STK3: variants seen among roughly 807,000 people sequenced by gnomAD.
STK3 encodes serine/threonine kinase 3.
STK3 carries 41 observed loss-of-function variants against 58.0 expected under a neutral mutation model. The observed-to-expected ratio is 0.71, with a 90% CI of 0.55 to 0.92. The LOEUF (loss-of-function observed/expected upper bound fraction) is 0.92, where lower values mean the gene tolerates loss of function less well. Among genes scored for constraint, STK3 ranks in the 40% least tolerant of loss-of-function variants. STK3 has a pLI of 0.00. For missense variants in STK3, 479 were observed against 602.7 expected, an observed-to-expected ratio of 0.79 and a Z score of 2.15; for synonymous variants, 170 against 191.0, an observed-to-expected ratio of 0.89 and a Z score of 0.91.
intron 10 of STK3, among the ~76,000 whole-genome samples, chr8:98,467,986 A>C (rs2131206984): frequency 6.6e-6 from 1 of 152,356 alleles, no homozygotes; most frequent in African/African-American, 2.4e-5. Context: ...AAGTAGTTTT[A>C]AAATGAAAGA....
chr8:98,635,909 GT>G (rs1433936426), intron 6 of STK3, among the ~76,000 whole-genome samples: 1 of 151,924 alleles, frequency 6.6e-6, no homozygotes, highest in African/African-American at 2.4e-5. Context: ...ACGAAATAAA[GT>G]ACAACTTCTT....
intron 1 of STK3, among the ~76,000 whole-genome samples, chr8:98,789,580 C>T (rs1163133952): frequency 2.0e-5 from 3 of 152,118 alleles, no homozygotes; most frequent in Admixed American, 6.6e-5. Flanking sequence ...GATATTACAA[C>T]TGATACCAAG....
In STK3 at chr8:98,912,392, C is replaced by T. The variant is rs535081941; in HGVS notation, c.-78-28558G>A. On this transcript the variant is annotated intron_variant, in intron 1 of 1. Transcript: ENST00000519420. The stretch of plus-strand genomic sequence containing the variant: ...GACTGCATCTCAACAACAACAACAA[C>T]AACAATAACAAACGAAAAAAAAAAA... Among the ~76,000 whole-genome samples, 6 of 147,724 alleles carry T rather than the reference C, an allele frequency of 4.1e-5. No individual in the cohort carries two copies. The South Asian group carries it at 1.3e-3, about 31-fold the overall frequency.
At chr8:98,395,973 AT>A (rs907548540) in intron 3 of STK3, among the ~76,000 whole-genome samples, 2 of 152,156 alleles carry the variant, frequency 1.3e-5, no homozygotes, top group Non-Finnish European at 2.9e-5. Flanking sequence ...ACACCACTGA[AT>A]TTTTTTGTAC....
At chr8:98,769,045 G>T (rs1247256696) in intron 2 of STK3, among the ~76,000 whole-genome samples, 44 of 152,144 alleles carry the variant, frequency 2.9e-4, no homozygotes. Context: ...CAGTTTTCAT[G>T]AACTTTGCAT....
chr8:98,833,008 C>A (rs1208149722), intron 3 of STK3, among the ~76,000 whole-genome samples: 1 of 152,208 alleles, frequency 6.6e-6, no homozygotes, highest in Non-Finnish European at 1.5e-5. Flanking sequence ...AAATGCCAAA[C>A]TGTGTAAAAT....
At chr8:98,398,432 A>G (rs770563355), downstream of STK3, among the ~76,000 whole-genome samples, 29 of 152,188 alleles carry the variant, frequency 1.9e-4, 1 homozygote, top group Non-Finnish European at 7.4e-5. Context: ...AAACTGGAAC[A>G]GTGGGCATCA....
chr8:98,733,318 G>A (rs532522260), intron 4 of STK3, among the ~76,000 whole-genome samples: 19 of 152,180 alleles, frequency 1.2e-4, no homozygotes, highest in Non-Finnish European at 2.2e-4. Context: ...TCCATGGCCC[G>A]TTGGGAACTG....
At chr8:98,565,996 A>G (rs184589339) in intron 8 of STK3, among the ~76,000 whole-genome samples, 4 of 152,284 alleles carry the variant, frequency 2.6e-5, no homozygotes, top group Non-Finnish European at 5.9e-5. Context: ...AAAAACTTTG[A>G]TATTGGATTA....
rs191343017 is a variant in STK3, at chr8:98,700,354, C to T, written c.684+6113G>A. Among the ~76,000 whole-genome samples, 833 of 152,336 alleles carry T rather than the reference C, an allele frequency of 5.5e-3. 9 individuals are homozygous for T. The highest frequency in any genetic ancestry group is 0.019 in the African/African-American group (801 of 41,570). On this transcript the variant is annotated intron_variant, in intron 6 of 10. Coordinates refer to ENST00000419617, the MANE Select transcript of STK3 (RefSeq NM_006281.4). ...ATGCCTCGCCCTGCTTCGGCTCGCG[C>T]ACGGTGCACTGCATCCACTGTCCTG...
At chr8:98,489,192 G>A (rs1267759972) in intron 10 of STK3, among the ~76,000 whole-genome samples, 1 of 151,414 alleles carries the variant, frequency 6.6e-6, no homozygotes, top group African/African-American at 2.4e-5. Flanking sequence ...GTGAGTGAGA[G>A]GATATGAAAA....
At chr8:98,652,398 C>G (rs1429905824) in intron 6 of STK3, among the ~76,000 whole-genome samples, 1 of 152,172 alleles carries the variant, frequency 6.6e-6, no homozygotes, top group East Asian at 1.9e-4. Flanking sequence ...TAAAGACCAC[C>G]AATGCTAGGA....
intron 3 of STK3, among the ~76,000 whole-genome samples, chr8:98,849,737 T>A (rs1368716133): frequency 6.6e-6 from 1 of 152,076 alleles, no homozygotes; most frequent in African/African-American, 2.4e-5. Flanking sequence ...GAGATCCGTA[T>A]CAATCTCTTC....
In STK3 at chr8:98,825,528, G is replaced by C; in HGVS notation, c.13C>G (p.Pro5Ala). 5 of 1,457,940 alleles carry C rather than the reference G, an allele frequency of 3.4e-6. No individual in the cohort carries two copies. Among genetic ancestry groups the C allele is most frequent in the Non-Finnish European group, 4.5e-6 (5 of 1,099,996 alleles). The allele number at this position is 1,457,940 out of a possible 1,614,324, so 90.3% of individuals were successfully genotyped here. The change falls in exon 1 of 11, where the codon CCG becomes GCG. Residue 5 changes from proline to alanine, a missense_variant. Pro to Ala is a conservative substitution (Grantham distance 27). Coordinates refer to ENST00000419617, the MANE Select transcript of STK3 (RefSeq NM_006281.4). The part of the protein sequence containing the change: MEQP[P>A]APKSKLKKLS... ...CCGATTCGTTACCTCTTAGGCGCCGGCGGCTGCTCCATGGCGGCCGGGGAC... is the reference window on the plus strand; with the variant it reads ...CCGATTCGTTACCTCTTAGGCGCCGCCGGCTGCTCCATGGCGGCCGGGGAC...
intron 8 of STK3, among the ~76,000 whole-genome samples, chr8:98,561,433 G>A (rs546731551): frequency 6.6e-6 from 1 of 152,218 alleles, no homozygotes; most frequent in Admixed American, 6.5e-5. Context: ...AAATCTATGG[G>A]ACCTTGAGTT....
chr8:98,754,278 T>C (rs1029672957), intron 3 of STK3, among the ~76,000 whole-genome samples: 2 of 152,080 alleles, frequency 1.3e-5, no homozygotes, highest in African/African-American at 4.8e-5. Context: ...ATTCTTTACA[T>C]GTACTCCTTT....
chr8:98,687,607 A>G (rs1824097682), intron 6 of STK3, among the ~76,000 whole-genome samples: 1 of 152,190 alleles, frequency 6.6e-6, no homozygotes, highest in Admixed American at 6.5e-5. Context: ...TACAAACCAG[A>G]CAAGATTAGG....
intron 3 of STK3, among the ~76,000 whole-genome samples, chr8:98,856,363 C>G (rs1481061675): frequency 6.7e-6 from 1 of 149,688 alleles, no homozygotes; most frequent in East Asian, 1.9e-4. Context: ...TAATAAAAAG[C>G]CAAATAACAC....
At chr8:98,373,310 G>C (rs1017203572) in intron 2 of STK3, among the ~76,000 whole-genome samples, 1 of 152,290 alleles carries the variant, frequency 6.6e-6, no homozygotes, top group East Asian at 1.9e-4. Flanking sequence ...CAGGATTCTA[G>C]ATCCACATTC....
Sources: allele counts gnomAD v4.1 joint callset (sites outside exome capture counted in the v4.1 genomes callset), GRCh38; gene constraint gnomAD v4.1.1; transcripts MANE v1.5; gene names NCBI Gene and HGNC (gene_info 2026-07-23, HGNC 2026-07-21).